The following PCDH11Y variants were observed in gnomAD, a reference collection of about 807,000 sequenced individuals.
PCDH11Y encodes the protein protocadherin-11 Y-linked.
For synonymous variants in PCDH11Y, 9 were observed against 83.6 expected, an observed-to-expected ratio of 0.11 and a Z score of 4.87; for missense variants, 12 against 224.8, an observed-to-expected ratio of 0.05 and a Z score of 6.05.
chrY:5,112,614 A>G, intron 2 of PCDH11Y, among the ~76,000 whole-genome samples: 1 of 33,460 alleles, frequency 3.0e-5, no homozygotes, highest in Non-Finnish European at 7.4e-5. Flanking sequence ...GTATGGATTT[A>G]CCATAATTAT....
At chrY:5,065,368 A>C in intron 1 of PCDH11Y, among the ~76,000 whole-genome samples, 1 of 32,654 alleles carries the variant, frequency 3.1e-5, no homozygotes, top group African/African-American at 1.2e-4. Context: ...CTCCTATATA[A>C]TAGAGAAAAT....
At chrY:5,165,958 T>C in intron 2 of PCDH11Y, among the ~76,000 whole-genome samples, 1 of 31,811 alleles carries the variant, frequency 3.1e-5, no homozygotes, top group Admixed American at 2.9e-4. Flanking sequence ...TTTGATGAAA[T>C]ATACAAATTA....
chrY:5,720,794 G>A, intron 4 of PCDH11Y, among the ~76,000 whole-genome samples: 1 of 32,172 alleles, frequency 3.1e-5, no homozygotes, highest in Non-Finnish European at 7.6e-5. Context: ...AATAGTGAGA[G>A]CCTGTGGCAT....
At chrY:5,326,535 G>A (rs2053120812) in intron 2 of PCDH11Y, among the ~76,000 whole-genome samples, 1 of 32,746 alleles carries the variant, frequency 3.1e-5, no homozygotes, top group Non-Finnish European at 7.5e-5. Context: ...TGGTGGAACT[G>A]CCATCAATAA....
chrY:5,347,029 C>T, intron 2 of PCDH11Y, among the ~76,000 whole-genome samples: 1 of 32,998 alleles, frequency 3.0e-5, no homozygotes. Context: ...ATGAAACTTA[C>T]TAGAAATTCC....
chrY:5,334,257 G>A, intron 2 of PCDH11Y, among the ~76,000 whole-genome samples: 1 of 33,837 alleles, frequency 3.0e-5, no homozygotes, highest in African/African-American at 1.2e-4. Flanking sequence ...AAAGCAAGAA[G>A]GGAGTCTTTT....
intron 2 of PCDH11Y, among the ~76,000 whole-genome samples, chrY:5,248,490 A>T: frequency 3.4e-5 from 1 of 29,384 alleles, no homozygotes; most frequent in African/African-American, 1.3e-4. Flanking sequence ...TGATTATTTC[A>T]ACAGATGCAG....
intron 4 of PCDH11Y, among the ~76,000 whole-genome samples, chrY:5,663,561 A>G (rs2053542615): frequency 3.0e-5 from 1 of 33,472 alleles, no homozygotes; most frequent in Non-Finnish European, 7.4e-5. Flanking sequence ...GGTTTTATGA[A>G]AAACACAGCC....
chrY:5,415,316 G>T, intron 2 of PCDH11Y, among the ~76,000 whole-genome samples: 2 of 32,240 alleles, frequency 6.2e-5, no homozygotes, highest in Non-Finnish European at 1.5e-4. Context: ...GCCTATGTGT[G>T]TGCCAGCAAA....
chrY:5,530,487 A>T (rs2053391771), intron 3 of PCDH11Y, among the ~76,000 whole-genome samples: 1 of 33,004 alleles, frequency 3.0e-5, no homozygotes, highest in Admixed American at 2.8e-4. Context: ...GCAAGCCTAT[A>T]GCTGCTAAAT....
At chrY:5,375,916 AC>A in intron 2 of PCDH11Y, among the ~76,000 whole-genome samples, 2 of 32,621 alleles carry the variant, frequency 6.1e-5, no homozygotes, top group Non-Finnish European at 1.5e-4. Context: ...TTTCATATAA[AC>A]CGTTATACTT....
At chrY:5,402,403 T>A in intron 2 of PCDH11Y, among the ~76,000 whole-genome samples, 1 of 32,672 alleles carries the variant, frequency 3.1e-5, no homozygotes, top group South Asian at 6.7e-4. Context: ...TAATACACGA[T>A]CCATGCTACT....
chrY:5,115,803 C>G (rs9786425), intron 2 of PCDH11Y, among the ~76,000 whole-genome samples: 3 of 17,912 alleles, frequency 1.7e-4, no homozygotes, highest in African/African-American at 7.2e-4. Context: ...TGCAGTGGTG[C>G]GATCTCGGCT....
intron 2 of PCDH11Y, among the ~76,000 whole-genome samples, chrY:5,491,115 G>C: frequency 6.0e-5 from 2 of 33,597 alleles, no homozygotes; most frequent in African/African-American, 2.3e-4. Context: ...TGGATGACAT[G>C]ATTGATAGCG....
At chrY:5,352,692 C>T (rs2053161002) in intron 2 of PCDH11Y, among the ~76,000 whole-genome samples, 1 of 33,164 alleles carries the variant, frequency 3.0e-5, no homozygotes, top group Non-Finnish European at 7.4e-5. Context: ...TATTTTAATT[C>T]TTTCACCAAT....
At chrY:5,490,484 A>G in intron 2 of PCDH11Y, among the ~76,000 whole-genome samples, 1 of 34,737 alleles carries the variant, frequency 2.9e-5, no homozygotes, top group Non-Finnish European at 7.3e-5. Flanking sequence ...ATGTTAGACC[A>G]TGTGGCTTAA....
At chrY:5,580,611 T>TA (rs2053449955) in intron 3 of PCDH11Y, among the ~76,000 whole-genome samples, 2 of 32,376 alleles carry the variant, frequency 6.2e-5, no homozygotes, top group African/African-American at 2.4e-4. Context: ...AAGCACTATT[T>TA]AAAAAAAATT....
chrY:5,258,179 A>G (rs2053013513), intron 2 of PCDH11Y, among the ~76,000 whole-genome samples: 1 of 29,772 alleles, frequency 3.4e-5, no homozygotes, highest in South Asian at 7.6e-4. Context: ...CTGATTTTGT[A>G]TATTTGTGTC....
intron 2 of PCDH11Y, among the ~76,000 whole-genome samples, chrY:5,438,246 A>T: frequency 1.1e-4 from 3 of 26,980 alleles, no homozygotes; most frequent in African/African-American, 4.4e-4. Flanking sequence ...TGGTGGAGGC[A>T]TTACAAAAAT....
Sources: allele counts gnomAD v4.1 joint callset (sites outside exome capture counted in the v4.1 genomes callset), GRCh38; gene constraint gnomAD v4.1.1; transcripts MANE v1.5; gene names NCBI Gene and HGNC (gene_info 2026-07-23, HGNC 2026-07-21).